The following TOP6BL variants were observed in gnomAD, a reference collection of about 807,000 sequenced individuals.
TOP6BL encodes the protein type 2 DNA topoisomerase 6 subunit B-like.
chr11:66,791,001 TTA>T, the TOP6BL span, among the ~76,000 whole-genome samples: 9 of 152,216 alleles, frequency 5.9e-5, no homozygotes, highest in Admixed American at 3.9e-4. Flanking sequence ...ATTTCTTCCA[TTA>T]TATCTCATTG....
chr11:66,785,546 G>T, the TOP6BL span, among the ~76,000 whole-genome samples: 1 of 152,158 alleles, frequency 6.6e-6, no homozygotes, highest in Non-Finnish European at 1.5e-5. Flanking sequence ...TGTCCCGTAG[G>T]AGGCTCTCTG....
chr11:66,747,589 T>C, the TOP6BL span, among the ~76,000 whole-genome samples: 1 of 152,128 alleles, frequency 6.6e-6, no homozygotes, highest in African/African-American at 2.4e-5. Context: ...ATGAGGAGTC[T>C]GTGGTTTGGA....
At chr11:66,764,489 A>G in the TOP6BL span, among the ~76,000 whole-genome samples, 1 of 147,442 alleles carries the variant, frequency 6.8e-6, no homozygotes, top group Non-Finnish European at 1.5e-5. Context: ...TGTCTCTACT[A>G]AAAATACAAA....
chr11:66,813,082 A>G, the TOP6BL span, among the ~76,000 whole-genome samples: 1 of 152,198 alleles, frequency 6.6e-6, no homozygotes, highest in Non-Finnish European at 1.5e-5. Context: ...TTCCTTCTCA[A>G]TCTAAGTATA....
the TOP6BL span, among the ~76,000 whole-genome samples, chr11:66,772,827 T>C: frequency 6.6e-6 from 1 of 152,270 alleles, no homozygotes; most frequent in South Asian, 2.1e-4. Flanking sequence ...TTTTCTTTTC[T>C]TGTAATGTCT....
chr11:66,813,265 A>G, the TOP6BL span, among the ~76,000 whole-genome samples: 582 of 152,310 alleles, frequency 3.8e-3, 16 homozygotes, highest in East Asian at 0.068. Flanking sequence ...ACTTAAAACA[A>G]TGTTAACCTG....
the TOP6BL span, chr11:66,843,044 G>C: frequency 6.4e-7 from 1 of 1,560,592 alleles, no homozygotes; most frequent in Non-Finnish European, 8.7e-7. Context: ...GCGCCGGGCA[G>C]GGCGAGCCTC....
At chr11:66,767,949 G>T in the TOP6BL span, among the ~76,000 whole-genome samples, 1 of 152,048 alleles carries the variant, frequency 6.6e-6, no homozygotes, top group Non-Finnish European at 1.5e-5. Flanking sequence ...GTACCACCAT[G>T]CCCAGCTAGT....
At chr11:66,817,670 C>T in the TOP6BL span, among the ~76,000 whole-genome samples, 2 of 152,030 alleles carry the variant, frequency 1.3e-5, no homozygotes, top group African/African-American at 4.8e-5. Context: ...AACTCCTGAC[C>T]TCGTGATCCA....
the TOP6BL span, among the ~76,000 whole-genome samples, chr11:66,799,256 C>T: frequency 2.9e-4 from 43 of 149,988 alleles, no homozygotes; most frequent in African/African-American, 8.8e-4. Context: ...CATGGTGGCG[C>T]GTGCCTGTAG....
chr11:66,797,621 C>A, the TOP6BL span, among the ~76,000 whole-genome samples: 3 of 152,022 alleles, frequency 2.0e-5, no homozygotes, highest in African/African-American at 7.2e-5. Context: ...TCTCCTGCCT[C>A]AGCTCCCTGA....
the TOP6BL span, among the ~76,000 whole-genome samples, chr11:66,781,015 T>G: frequency 6.6e-6 from 1 of 152,206 alleles, no homozygotes; most frequent in Non-Finnish European, 1.5e-5. Context: ...TTGACTATTA[T>G]ATACCTAGGT....
At chr11:66,786,212 C>T in the TOP6BL span, among the ~76,000 whole-genome samples, 3 of 152,018 alleles carry the variant, frequency 2.0e-5, no homozygotes, top group Non-Finnish European at 4.4e-5. Flanking sequence ...GCAGGAGACC[C>T]TGTTGAACCT....
the TOP6BL span, chr11:66,842,700 C>A: frequency 2.6e-6 from 2 of 771,618 alleles, no homozygotes; most frequent in Non-Finnish European, 2.0e-6. Flanking sequence ...GCGCCCACAG[C>A]TGCAGGGTTT....
chr11:66,826,691 A>T, the TOP6BL span, among the ~76,000 whole-genome samples: 3 of 139,558 alleles, frequency 2.1e-5, no homozygotes, highest in Non-Finnish European at 4.7e-5. Flanking sequence ...TTATTTATTT[A>T]TTTTTTTTGA....
At chr11:66,842,920 C>G in the TOP6BL span, 1 of 1,564,028 alleles carries the variant, frequency 6.4e-7, no homozygotes, top group East Asian at 2.4e-5. Flanking sequence ...GCGAGCTCTG[C>G]GCTCTGCCAG....
At chr11:66,777,496 A>G in the TOP6BL span, among the ~76,000 whole-genome samples, 4 of 152,332 alleles carry the variant, frequency 2.6e-5, no homozygotes, top group South Asian at 6.2e-4. Context: ...ATCTTAATGC[A>G]TATAGCTCTT....
the TOP6BL span, chr11:66,756,541 A>G: frequency 2.0e-6 from 2 of 1,011,254 alleles, no homozygotes; most frequent in Non-Finnish European, 2.4e-6. Context: ...CATCCTATCC[A>G]GCCCTCAATT....
the TOP6BL span, among the ~76,000 whole-genome samples, chr11:66,812,461 C>T: frequency 6.6e-6 from 1 of 152,156 alleles, no homozygotes; most frequent in African/African-American, 2.4e-5. Context: ...TAGGTGTGAG[C>T]CACCGCGCCT....
Sources: allele counts gnomAD v4.1 joint callset (sites outside exome capture counted in the v4.1 genomes callset), GRCh38; gene constraint gnomAD v4.1.1; transcripts MANE v1.5; gene names NCBI Gene and HGNC (gene_info 2026-07-23, HGNC 2026-07-21).